The following SPOCK1 variants were observed in gnomAD, a reference collection of about 807,000 sequenced individuals.
The protein encoded by SPOCK1 is SPARC (osteonectin), cwcv and kazal like domains proteoglycan 1.
A neutral mutation model predicts 55.3 loss-of-function variants in SPOCK1; 23 were observed. The ratio of observed to expected loss-of-function variants is 0.42; its 90% CI spans 0.30 to 0.59. The LOEUF is 0.59. Among genes scored for constraint, SPOCK1 ranks in the 20% least tolerant of loss-of-function variants. The probability of loss-of-function intolerance (pLI) is 0.22; values close to 1 mark genes in which losing one functional copy is unlikely to be tolerated. For missense variants in SPOCK1, 499 were observed against 552.5 expected (o/e 0.90, Z 0.97); for synonymous variants, 226 against 221.0 (o/e 1.02, Z -0.20).
chr5:137,019,737 G>GA lies in SPOCK1; in HGVS notation c.590-27138_590-27137insT, dbSNP rs1408944405. Among the ~76,000 whole-genome samples the GA allele has an allele frequency of 1.3e-4, 20 of 152,078 alleles. 1 individual carries two copies. The East Asian group carries it at 3.9e-3, about 29-fold the overall frequency. On this transcript the variant is annotated intron_variant, in intron 6 of 10. Coordinates refer to ENST00000394945, the MANE Select transcript of SPOCK1 (RefSeq NM_004598.4). The stretch of plus-strand genomic sequence containing the variant: ...ACAGGAATTTCCATTAAAATATACT[G>GA]TACTTCAGACAGAAGAAAAGTGCCC...
At chr5:137,498,714 C>T (rs1754364496) in intron 1 of SPOCK1, 156 bp from the exon 2 acceptor site, 2 of 400,604 alleles carry the variant, frequency 5.0e-6, no homozygotes, top group East Asian at 1.5e-4. Context: ...GCCTCTAGAC[C>T]CAGGGACCCC....
intron 3 of SPOCK1, among the ~76,000 whole-genome samples, chr5:137,225,918 G>T (rs1755936947): frequency 6.6e-6 from 1 of 152,208 alleles, no homozygotes; most frequent in Non-Finnish European, 1.5e-5. Flanking sequence ...AAGGACACTA[G>T]GTCTCCCCCC....
At chr5:137,168,737 C>T (rs1754695043) in intron 3 of SPOCK1, among the ~76,000 whole-genome samples, 1 of 151,994 alleles carries the variant, frequency 6.6e-6, no homozygotes, top group Non-Finnish European at 1.5e-5. Flanking sequence ...AAAGGAAACC[C>T]TAGTATACTG....
chr5:137,368,570 A>C (rs1751127832), intron 2 of SPOCK1, among the ~76,000 whole-genome samples: 1 of 152,138 alleles, frequency 6.6e-6, no homozygotes, highest in Admixed American at 6.5e-5. Context: ...TGCATGGGGG[A>C]CACACGCAGC....
chr5:136,987,699 C>T (rs139348233), intron 8 of SPOCK1, among the ~76,000 whole-genome samples: 23 of 151,922 alleles, frequency 1.5e-4, no homozygotes, highest in South Asian at 2.1e-4. Context: ...CCTTTCCTGG[C>T]GGTGGGATAT....
intron 2 of SPOCK1, among the ~76,000 whole-genome samples, chr5:137,316,923 A>G (rs1332830802): frequency 6.6e-6 from 1 of 152,190 alleles, no homozygotes; most frequent in East Asian, 1.9e-4. Flanking sequence ...TCCATTTAAG[A>G]ACCAAAGCCC....
chr5:137,442,172 GC>G (rs1753028416), intron 2 of SPOCK1, among the ~76,000 whole-genome samples: 1 of 152,194 alleles, frequency 6.6e-6, no homozygotes, highest in Non-Finnish European at 1.5e-5. Context: ...GCAGACTAAG[GC>G]CTCTATATGG....
intron 5 of SPOCK1, among the ~76,000 whole-genome samples, chr5:137,073,110 A>T (rs1302623084): frequency 6.6e-6 from 1 of 152,256 alleles, no homozygotes; most frequent in East Asian, 1.9e-4. Flanking sequence ...TTAGAACCTT[A>T]TTGAACATCC....
chr5:137,268,178 A>G (rs1010753192), intron 2 of SPOCK1, among the ~76,000 whole-genome samples: 1 of 152,194 alleles, frequency 6.6e-6, no homozygotes. Context: ...TAGCTTTATT[A>G]TATCCTTGTT....
intron 2 of SPOCK1, among the ~76,000 whole-genome samples, chr5:137,452,131 A>C (rs544906944): frequency 6.6e-6 from 1 of 152,340 alleles, no homozygotes; most frequent in African/African-American, 2.4e-5. Context: ...CAATCTGTAT[A>C]ACAACTACAT....
intron 5 of SPOCK1, among the ~76,000 whole-genome samples, chr5:137,110,192 A>G (rs894029662): frequency 2.6e-5 from 4 of 152,222 alleles, no homozygotes; most frequent in African/African-American, 9.6e-5. Context: ...ACAGACTTTT[A>G]TTACAAAAAT....
chr5:137,204,376 C>T (rs1372876506), intron 3 of SPOCK1, among the ~76,000 whole-genome samples: 5 of 152,100 alleles, frequency 3.3e-5, no homozygotes, highest in Non-Finnish European at 7.4e-5. Flanking sequence ...CGCACTGTCT[C>T]AGCAGAAATG....
intron 2 of SPOCK1, among the ~76,000 whole-genome samples, chr5:137,327,927 A>T (rs1446711011): frequency 1.3e-5 from 2 of 152,336 alleles, no homozygotes; most frequent in Non-Finnish European, 2.9e-5. Context: ...AGGGGAAAAA[A>T]TGAATACACT....
At chr5:137,468,537 C>T (rs535984164) in intron 2 of SPOCK1, among the ~76,000 whole-genome samples, 3 of 152,198 alleles carry the variant, frequency 2.0e-5, no homozygotes, top group African/African-American at 4.8e-5. Flanking sequence ...GGCTAATATA[C>T]TTATGACAAA....
intron 3 of SPOCK1, among the ~76,000 whole-genome samples, chr5:137,225,927 C>A (rs368511948): frequency 8.1e-4 from 123 of 152,328 alleles, no homozygotes; most frequent in African/African-American, 2.7e-3. Context: ...AGGTCTCCCC[C>A]CAGAGAGCAC....
At chr5:137,376,164 G>A (rs146096499) in intron 2 of SPOCK1, among the ~76,000 whole-genome samples, 3 of 152,296 alleles carry the variant, frequency 2.0e-5, no homozygotes, top group East Asian at 1.9e-4. Flanking sequence ...TTCCAGGTCT[G>A]GGGACAGGTA....
At chr5:137,272,799 C>T (rs1303286883) in intron 2 of SPOCK1, among the ~76,000 whole-genome samples, 2 of 146,198 alleles carry the variant, frequency 1.4e-5, no homozygotes, top group African/African-American at 5.1e-5. Flanking sequence ...GTCTTACTCA[C>T]CTGCACATCC....
chr5:137,147,105 G>A (rs1041122561), intron 3 of SPOCK1, among the ~76,000 whole-genome samples: 3 of 152,092 alleles, frequency 2.0e-5, no homozygotes, highest in African/African-American at 4.8e-5. Flanking sequence ...TGTGTGAGGT[G>A]GGGGAGAGGG....
intron 6 of SPOCK1, among the ~76,000 whole-genome samples, chr5:137,035,757 G>T (rs1221305900): frequency 2.6e-5 from 4 of 152,324 alleles, no homozygotes; most frequent in Middle Eastern, 3.4e-3. Flanking sequence ...GTGTCTGCTA[G>T]CAAGTCCTCA....
Sources: gnomAD v4.1 joint callset for allele counts (sites outside exome capture counted in the v4.1 genomes callset) on GRCh38, gnomAD v4.1.1 for gene constraint, MANE v1.5 for transcripts, NCBI Gene and HGNC (gene_info 2026-07-23, HGNC 2026-07-21) for gene names.